TMPRSS13: variants seen among roughly 807,000 people sequenced by gnomAD.
TMPRSS13 encodes transmembrane protease serine 13.
In TMPRSS13, 50 loss-of-function variants were observed where a neutral mutation model predicts 68.4. The observed-to-expected ratio is 0.73, with a 90% CI of 0.58 to 0.93. The LOEUF is 0.93. TMPRSS13 is among the 40% of genes least tolerant of loss of function. The pLI is 0.00. For synonymous variants in TMPRSS13, 267 were observed against 285.8 expected (o/e 0.93, Z 0.66); for missense variants, 615 against 729.2 (o/e 0.84, Z 1.80).
chr11:117,908,262 G>A, intron 9 of TMPRSS13: 1 of 530,680 alleles, frequency 1.9e-6, no homozygotes, highest in Non-Finnish European at 3.2e-6. Context: ...AAGAGTAAAT[G>A]AAATCATATG....
In TMPRSS13 at chr11:117,902,130, G is replaced by A; in HGVS notation, c.*109C>T. The A allele has an allele frequency of 2.5e-6, 3 of 1,220,580 alleles. No homozygotes were observed. The highest frequency in any genetic ancestry group is 3.5e-6 in the Non-Finnish European group (3 of 846,634). 75.6% of individuals were successfully genotyped at this position (1,220,580 alleles called of 1,614,324 possible). A position where few individuals can be genotyped will look rare whatever the true frequency, so the allele number is the denominator to read the frequency against. On this transcript the variant is annotated 3_prime_UTR_variant, in exon 13 of 13. Coordinates refer to ENST00000524993, the MANE Select transcript of TMPRSS13 (RefSeq NM_001077263.3). ...GAGGCAGCAGACAGTGGAGGTGGGAGTCCGATGGTGCCCGGTGGCCATTAG... is the reference window on the plus strand; with the variant it reads ...GAGGCAGCAGACAGTGGAGGTGGGAATCCGATGGTGCCCGGTGGCCATTAG...
intron 3 of TMPRSS13, among the ~76,000 whole-genome samples, chr11:117,916,331 C>T (rs745901533): frequency 6.6e-6 from 1 of 152,328 alleles, no homozygotes; most frequent in Middle Eastern, 3.4e-3. Context: ...GCTGCTCATT[C>T]GCTCAGATGC....
chr11:117,905,856 A>G lies in TMPRSS13; in HGVS notation c.1283-120T>C, dbSNP rs560224230. The G allele has an allele frequency of 2.0e-5, 13 of 658,910 alleles. No individual in the cohort carries two copies. In the East Asian group the frequency reaches 3.8e-4, roughly 19 times the overall value. 40.8% of individuals were successfully genotyped at this position (658,910 alleles called of 1,614,324 possible). On this transcript the variant is annotated intron_variant, in intron 9 of 12. Coordinates refer to ENST00000524993, the MANE Select transcript of TMPRSS13 (RefSeq NM_001077263.3). ...GGGTCTCCTAGAACATTAATCCTTGACTCTAGAGTCCTGGATCTGAATCCT... is the reference window on the plus strand; with the variant it reads ...GGGTCTCCTAGAACATTAATCCTTGGCTCTAGAGTCCTGGATCTGAATCCT...
Position 117,914,555 on chromosome 11 carries a change from C to T in TMPRSS13, c.557-41G>A, listed in dbSNP as rs749094724. The T allele has an allele frequency of 7.5e-6, 12 of 1,610,540 alleles. No homozygotes were observed. In the Admixed American group the frequency reaches 2.0e-4, roughly 27 times the overall value. ...CAGACAGCTGGGTCATGGCCAGCCC[C>T]ACTGAGATGAGACACTGAGCAGCCC... On this transcript the variant is annotated intron_variant, in intron 3 of 12. Transcript: ENST00000524993. This position sits in a 1 kb window ranked among gnomAD's most constrained non-coding sequence, Gnocchi z 4.2.
In TMPRSS13 at chr11:117,918,709, G is replaced by A. The variant is rs760435142; in HGVS notation, c.151C>T (p.Pro51Ser). The change falls in exon 2 of 13, where the codon CCG (proline) becomes TCG (serine). Residue 51 changes from proline to serine, a missense_variant. Coordinates refer to ENST00000524993, the MANE Select transcript of TMPRSS13 (RefSeq NM_001077263.3). ...GCCTGGGCTGGAGATGCCCGGCCCG[G>A]AGGTGTCCCAGCTGGAGATGCCTGG... The part of the protein sequence containing the change: ...PAQASPAGTP[P>S]GRASPAQASP... 3 of 1,603,828 alleles carry A rather than the reference G, an allele frequency of 1.9e-6. No individual in the cohort carries two copies. The highest frequency in any genetic ancestry group is 2.6e-6 in the Non-Finnish European group (3 of 1,175,250).
Position 117,918,543 on chromosome 11 carries a change from G to A in TMPRSS13, c.317C>T (p.Ser106Phe). The A allele has an allele frequency of 6.2e-7, 1 of 1,614,222 alleles. No homozygotes were observed. The highest frequency in any genetic ancestry group is 8.5e-7 in the Non-Finnish European group (1 of 1,180,034). ...GGTTGTCACCGAGGCTGACCTGGCGGATGATGACCTGCCGGATGAGGACCT... is the reference window on the plus strand; with the variant it reads ...GGTTGTCACCGAGGCTGACCTGGCGAATGATGACCTGCCGGATGAGGACCT... The part of the protein sequence containing the change: ...LSRSSSGRSS[S>F]ARSASVTTSP... The change falls in exon 2 of 13, where the codon TCC becomes TTC. Residue 106 changes from serine to phenylalanine, a missense_variant. By Grantham distance (155) the Ser-to-Phe change is radical (BLOSUM62 -2). Transcript: ENST00000524993.
intron 1 of TMPRSS13, among the ~76,000 whole-genome samples, chr11:117,919,383 T>C (rs533746005): frequency 2.1e-4 from 32 of 152,378 alleles, no homozygotes; most frequent in Admixed American, 9.1e-4. Flanking sequence ...CTGAAGGGGC[T>C]GAGTGCCATT....
chr11:117,901,231 G>C lies in TMPRSS13; in HGVS notation c.*1008C>G, dbSNP rs78306421. On this transcript the variant is annotated 3_prime_UTR_variant, in exon 13 of 13. Coordinates refer to ENST00000524993, the MANE Select transcript of TMPRSS13 (RefSeq NM_001077263.3). The stretch of plus-strand genomic sequence containing the variant: ...CCCTGGGGCCCCTGGGAGCCTACGC[G>C]GGAACAGCATCTGTTTCTTAACGCC... 4,330 of 152,692 alleles carry C rather than the reference G, an allele frequency of 0.028. 125 individuals carry two copies. Among genetic ancestry groups the C allele is most frequent in the African/African-American group, 0.065 (2,687 of 41,550 alleles). 9.5% of individuals were successfully genotyped at this position (152,692 alleles called of 1,614,324 possible).
At position 117,902,278 on chromosome 11, in the gene TMPRSS13, A is replaced by C; in HGVS notation, c.1678-13T>G. The C allele has an allele frequency of 6.2e-7, 1 of 1,613,414 alleles. No individual in the cohort carries two copies. Reference sequence around the variant, plus strand: ...ATCGCACCTCGCTCTGAGGAAGAGAATGGGAGAAGAGGGTGAGGGTGGGCC... The same window carrying C: ...ATCGCACCTCGCTCTGAGGAAGAGACTGGGAGAAGAGGGTGAGGGTGGGCC... On this transcript the variant is annotated splice_polypyrimidine_tract_variant and intron_variant, in intron 12 of 12. Coordinates refer to ENST00000524993, the MANE Select transcript of TMPRSS13 (RefSeq NM_001077263.3).
intron 10 of TMPRSS13, among the ~76,000 whole-genome samples, chr11:117,905,407 A>T (rs546623598): frequency 2.6e-4 from 39 of 152,180 alleles, no homozygotes; most frequent in African/African-American, 8.9e-4. Context: ...GTTCAACCAC[A>T]GCAGTTTTCC....
At position 117,901,201 on chromosome 11, in the gene TMPRSS13, G is replaced by C. The variant is rs2057408153; in HGVS notation, c.*1038C>G. ...GGGAATGAGAGAGGCAGTCCACCTG[G>C]ACCTCCCTGGGGCCCCTGGGAGCCT... On this transcript the variant is annotated 3_prime_UTR_variant, in exon 13 of 13. Coordinates refer to ENST00000524993, the MANE Select transcript of TMPRSS13 (RefSeq NM_001077263.3). 1 of 152,560 alleles carries C rather than the reference G, an allele frequency of 6.6e-6. No homozygotes were observed. The allele number at this position is 152,560 out of a possible 1,614,324, so 9.5% of individuals were successfully genotyped here.
rs1660949004 is a variant in TMPRSS13, at chr11:117,915,880, C to T, written c.556+1290G>A. ...AGGGAGGGAGGGCAGGGCAGCAAGT[C>T]ACAGCAGGCACCATGCCGAGGCCTT... On this transcript the variant is annotated intron_variant, in intron 3 of 12. Transcript: ENST00000524993. This position sits in a 1 kb window ranked among gnomAD's most constrained non-coding sequence, Gnocchi z 4.9. Among the ~76,000 whole-genome samples, 1 of 152,202 alleles carries T rather than the reference C, an allele frequency of 6.6e-6. No individual in the cohort carries two copies. The highest frequency in any genetic ancestry group is 2.4e-5 in the African/African-American group (1 of 41,446).
chr11:117,903,072 CTT>C, intron 12 of TMPRSS13: 1 of 1,139,578 alleles, frequency 8.8e-7, no homozygotes, highest in Non-Finnish European at 1.1e-6. Flanking sequence ...ACTTTATACT[CTT>C]TTATGATAGT....
At chr11:117,905,510 C>T (rs1021293406) in intron 10 of TMPRSS13, 128 bp downstream of exon 10, 1 of 684,792 alleles carries the variant, frequency 1.5e-6, no homozygotes, top group Non-Finnish European at 2.4e-6. Flanking sequence ...GCCCATGAAT[C>T]CGTATACCCA....
At chr11:117,929,049 G>T (rs530945075) in intron 1 of TMPRSS13, among the ~76,000 whole-genome samples, 2 of 152,270 alleles carry the variant, frequency 1.3e-5, no homozygotes, top group South Asian at 4.1e-4. Flanking sequence ...ACATAGCCCT[G>T]GGGTGCTCAC....
chr11:117,929,360 C>T lies in TMPRSS13; in HGVS notation c.-53G>A, dbSNP rs2057737926. 4 of 1,574,164 alleles carry T rather than the reference C, an allele frequency of 2.5e-6. No individual in the cohort carries two copies. Among genetic ancestry groups the T allele is most frequent in the African/African-American group, 1.4e-5 (1 of 73,986 alleles). On this transcript the variant is annotated 5_prime_UTR_variant, in exon 1 of 13. It removes an upstream start codon present in the reference 5' UTR. Coordinates refer to ENST00000524993, the MANE Select transcript of TMPRSS13 (RefSeq NM_001077263.3). ...CTTAGCTGATGTCGAGGAGAAGATC[C>T]ATCTTGGTCCCTGGCTTCTCAGGCA...
At position 117,918,341 on chromosome 11, in the gene TMPRSS13, C is replaced by G. The variant is rs983945267; in HGVS notation, c.451+68G>C. 9 of 1,554,632 alleles carry G rather than the reference C, an allele frequency of 5.8e-6. No homozygotes were observed. In the Middle Eastern group the frequency reaches 9.4e-4, roughly 163 times the overall value. The stretch of plus-strand genomic sequence containing the variant: ...GCTATGAGAGCAGAGCACACTGGCT[C>G]TGAGATTTCCTCCCTGCCCATGGGC... On this transcript the variant is annotated intron_variant, in intron 2 of 12. Transcript: ENST00000524993.
At position 117,909,807 on chromosome 11, in the gene TMPRSS13, C is replaced by T. The variant is rs1423319576; in HGVS notation, c.1108G>A (p.Val370Met). The T allele has an allele frequency of 3.7e-6, 6 of 1,608,850 alleles. No individual in the cohort carries two copies. Among genetic ancestry groups the T allele is most frequent in the Non-Finnish European group, 3.4e-6 (4 of 1,177,988 alleles). Residue 370 changes from valine (V) to methionine (M), a missense_variant and splice_region_variant, in exon 8 of 13, where the codon GTG becomes ATG. Val to Met is a conservative substitution (Grantham distance 21). Coordinates refer to ENST00000524993, the MANE Select transcript of TMPRSS13 (RefSeq NM_001077263.3). ...ATCACCTGCCTCTCAGGCACTTACA[C>T]GAAGAAGCAGTGGGCGGCAGTGAGC... Reference protein sequence around the residue: ...WVLTAAHCFFVTREKVLEGWK... With the variant: ...WVLTAAHCFFMTREKVLEGWK...
At chr11:117,903,274 A>T (rs2057426203) in intron 12 of TMPRSS13, 1 of 1,267,726 alleles carries the variant, frequency 7.9e-7, no homozygotes, top group East Asian at 2.5e-5. Context: ...AAGGCCATGA[A>T]GAGCGGATTC....
Sources: gnomAD v4.1 joint callset for allele counts (sites outside exome capture counted in the v4.1 genomes callset) on GRCh38, gnomAD v4.1.1 for gene constraint, Gnocchi (gnomAD v3.1) non-coding constraint, MANE v1.5 for transcripts, NCBI Gene and HGNC (gene_info 2026-07-23, HGNC 2026-07-21) for gene names.